The following WDPCP variants were observed in gnomAD, a reference collection of about 807,000 sequenced individuals.
The protein encoded by WDPCP is WD repeat containing planar cell polarity effector.
In WDPCP, 71 loss-of-function variants were observed where a neutral mutation model predicts 93.1. The observed-to-expected ratio is 0.76, with a 90% CI of 0.63 to 0.93. WDPCP has a LOEUF of 0.93. Ranked by LOEUF, WDPCP falls within the 40% of genes least tolerant of loss-of-function variation. WDPCP has a pLI of 0.00. For missense variants in WDPCP, 844 were observed against 887.4 expected, an observed-to-expected ratio of 0.95 and a Z score of 0.62; for synonymous variants, 315 against 315.0, an observed-to-expected ratio of 1.00 and a Z score of 0.00.
At chr2:63,210,724 G>A (rs554741135) in intron 14 of WDPCP, among the ~76,000 whole-genome samples, 1 of 152,222 alleles carries the variant, frequency 6.6e-6, no homozygotes, top group African/African-American at 2.4e-5. Context: ...AGCCATGACA[G>A]ACGGCACCTG....
At chr2:63,529,613 T>A (rs1041101455) in intron 1 of WDPCP, among the ~76,000 whole-genome samples, 1 of 152,202 alleles carries the variant, frequency 6.6e-6, no homozygotes, top group South Asian at 2.1e-4. Flanking sequence ...TGGATTCGGT[T>A]TGCCAGTGTT....
chr2:63,455,833 C>G (rs1043442139), intron 6 of WDPCP, among the ~76,000 whole-genome samples: 5 of 152,192 alleles, frequency 3.3e-5, no homozygotes, highest in Non-Finnish European at 7.3e-5. Context: ...CCAAACCTAA[C>G]AGACATTTAC....
chr2:63,201,268 G>C (rs1553558060), intron 14 of WDPCP, among the ~76,000 whole-genome samples: 1 of 152,088 alleles, frequency 6.6e-6, no homozygotes, highest in Admixed American at 6.5e-5. Context: ...CCCCAGCCAT[G>C]CTTCCTGTAC....
chr2:63,419,531 C>A (rs1163008560), intron 9 of WDPCP, among the ~76,000 whole-genome samples: 2 of 152,122 alleles, frequency 1.3e-5, no homozygotes, highest in African/African-American at 4.8e-5. Flanking sequence ...AAAAATGCAT[C>A]ACTGAAATGA....
intron 2 of WDPCP, among the ~76,000 whole-genome samples, chr2:63,688,970 T>C (rs1668852149): frequency 6.6e-6 from 1 of 152,134 alleles, no homozygotes; most frequent in Admixed American, 6.5e-5. Flanking sequence ...TTGCCCTCTC[T>C]CTCTTGCCCT....
chr2:63,580,519 C>T (rs2106544656), intron 1 of WDPCP, among the ~76,000 whole-genome samples: 1 of 152,154 alleles, frequency 6.6e-6, no homozygotes, highest in Non-Finnish European at 1.5e-5. Context: ...AATCTTCCTC[C>T]CAAAAATGCA....
intron 2 of WDPCP, among the ~76,000 whole-genome samples, chr2:63,808,632 G>C (rs561693190): frequency 3.9e-4 from 60 of 152,210 alleles, no homozygotes; most frequent in African/African-American, 1.4e-3. Context: ...ACGGAGTCTC[G>C]TTCACTTAGT....
intron 9 of WDPCP, among the ~76,000 whole-genome samples, chr2:63,406,533 C>G (rs1261364521): frequency 6.6e-6 from 1 of 152,092 alleles, no homozygotes; most frequent in Non-Finnish European, 1.5e-5. Context: ...CTGACACCCC[C>G]TATAACAAAA....
intron 10 of WDPCP, among the ~76,000 whole-genome samples, chr2:63,387,739 C>T (rs1480907205): frequency 6.6e-6 from 1 of 152,062 alleles, no homozygotes; most frequent in African/African-American, 2.4e-5. Context: ...ATAGTCTGCC[C>T]AAAAGCTCCT....
At chr2:63,173,856 TATAC>T (rs1210616771) in intron 15 of WDPCP, among the ~76,000 whole-genome samples, 1 of 152,238 alleles carries the variant, frequency 6.6e-6, no homozygotes, top group Admixed American at 6.5e-5. Flanking sequence ...ATAATTGATA[TATAC>T]GTATTTTTTA....
intron 12 of WDPCP, among the ~76,000 whole-genome samples, chr2:63,321,942 G>A (rs1211836823): frequency 1.3e-5 from 2 of 152,124 alleles, no homozygotes; most frequent in East Asian, 1.9e-4. Flanking sequence ...AAAAAAAGCT[G>A]TACATATTTA....
At chr2:63,644,166 T>C (rs1229673453) in intron 3 of WDPCP, 1 of 297,728 alleles carries the variant, frequency 3.4e-6, no homozygotes, top group Non-Finnish European at 6.5e-6. Flanking sequence ...TATTTTTTGA[T>C]GTATCTTTGT....
intron 6 of WDPCP, among the ~76,000 whole-genome samples, chr2:63,454,551 C>T (rs1698496371): frequency 6.6e-6 from 1 of 151,902 alleles, no homozygotes; most frequent in African/African-American, 2.4e-5. Context: ...TGAGCAAAGT[C>T]TCTGTGATAA....
intron 1 of WDPCP, among the ~76,000 whole-genome samples, chr2:63,551,510 T>C (rs1403506294): frequency 2.6e-5 from 4 of 152,168 alleles, no homozygotes; most frequent in African/African-American, 7.2e-5. Context: ...TCCACCATGA[T>C]TGAAAGCTTC....
At chr2:63,703,286 G>T (rs189738421) in intron 2 of WDPCP, among the ~76,000 whole-genome samples, 1 of 152,280 alleles carries the variant, frequency 6.6e-6, no homozygotes. Flanking sequence ...AGATCCCTGA[G>T]GAATCGCCAC....
chr2:63,756,687 A>T (rs1177188026), intron 2 of WDPCP, among the ~76,000 whole-genome samples: 1 of 152,182 alleles, frequency 6.6e-6, no homozygotes, highest in Admixed American at 6.5e-5. Flanking sequence ...CAGTTTCCTC[A>T]TATAAAAACA....
intron 2 of WDPCP, among the ~76,000 whole-genome samples, chr2:63,698,176 A>T (rs1441233318): frequency 6.6e-6 from 1 of 150,722 alleles, no homozygotes; most frequent in African/African-American, 2.4e-5. Context: ...GGCTGGTCTC[A>T]AACTCCTGAC....
chr2:63,603,975 C>A (rs1709479467), intron 3 of WDPCP, among the ~76,000 whole-genome samples: 1 of 152,212 alleles, frequency 6.6e-6, no homozygotes, highest in African/African-American at 2.4e-5. Context: ...AACTTTCTAA[C>A]CTTTTTTGTG....
At position 63,575,516 on chromosome 2, in the gene WDPCP, A is replaced by ACAG. The variant is rs1558833524; in HGVS notation, c.75+12680_75+12681insCTG. Among the ~76,000 whole-genome samples the ACAG allele has an allele frequency of 3.5e-3, 375 of 107,188 alleles. 83 individuals carry two copies. Among genetic ancestry groups the ACAG allele is most frequent in the Middle Eastern group, 0.017 (2 of 118 alleles). 70.3% of individuals were successfully genotyped at this position (107,188 alleles called of 152,430 possible). A position where few individuals can be genotyped will look rare whatever the true frequency, so the allele number is the denominator to read the frequency against. On this transcript the variant is annotated intron_variant, in intron 1 of 17. Coordinates refer to ENST00000272321, the MANE Select transcript of WDPCP (RefSeq NM_015910.7). ...TATATACAGTATATACACTGTATAT[A>ACAG]TAGTATATACAGTATATACACTGTA...
Sources: allele counts gnomAD v4.1 joint callset (sites outside exome capture counted in the v4.1 genomes callset), GRCh38; gene constraint gnomAD v4.1.1; transcripts MANE v1.5; gene names NCBI Gene and HGNC (gene_info 2026-07-23, HGNC 2026-07-21).